The following PRKN variants were observed in gnomAD, a reference collection of about 807,000 sequenced individuals.
PRKN encodes the protein parkin RBR E3 ubiquitin protein ligase, also known as E3 ubiquitin-protein ligase parkin.
Under a neutral mutation model 59.5 loss-of-function variants are expected in PRKN, and 56 were observed. That is an observed-to-expected ratio of 0.94 (90% confidence interval 0.76 to 1.18). The LOEUF is 1.18. PRKN is among the 50% of genes most tolerant of loss of function. The pLI, the probability that PRKN is intolerant of heterozygous loss-of-function variation, is 0.00. For synonymous variants in PRKN, 250 were observed against 222.1 expected, an observed-to-expected ratio of 1.13 and a Z score of -1.12; for missense variants, 657 against 596.4, an observed-to-expected ratio of 1.10 and a Z score of -1.06.
rs1168295995 is a variant in PRKN, at chr6:161,487,268, C to T, written c.1083+61586G>A. Among the ~76,000 whole-genome samples the T allele has an allele frequency of 6.6e-6, 1 of 152,172 alleles. No individual in the cohort carries two copies. The highest frequency in any genetic ancestry group is 1.5e-5 in the Non-Finnish European group (1 of 68,036). On this transcript the variant is annotated intron_variant, in intron 9 of 11. Transcript: ENST00000366898. The surrounding 1 kb of genome is among the most constrained non-coding windows in gnomAD (Gnocchi z 5.3). ...CATAGACCCATGAAGTGGGCTTGCT[C>T]AGTAACAACTGCTCAGTGAAGGGGC...
At chr6:162,536,211 A>G (rs1778709904) in intron 1 of PRKN, among the ~76,000 whole-genome samples, 2 of 152,136 alleles carry the variant, frequency 1.3e-5, no homozygotes. Flanking sequence ...ACTACTGTAA[A>G]ACATGTGTGC....
chr6:162,704,803 C>A (rs1387373367), intron 1 of PRKN, among the ~76,000 whole-genome samples: 2 of 152,064 alleles, frequency 1.3e-5, no homozygotes, highest in African/African-American at 4.8e-5. Context: ...AGCAGGTGTG[C>A]CCGAGGATGG....
intron 6 of PRKN, among the ~76,000 whole-genome samples, chr6:161,812,717 TAA>T (rs574418244): frequency 1.4e-3 from 211 of 152,216 alleles, no homozygotes; most frequent in Non-Finnish European, 2.2e-3. Context: ...TATCCAAAAT[TAA>T]AAAGACTGAC....
At chr6:161,875,924 G>A (rs1794716700) in intron 6 of PRKN, among the ~76,000 whole-genome samples, 1 of 152,102 alleles carries the variant, frequency 6.6e-6, no homozygotes, top group Non-Finnish European at 1.5e-5. Flanking sequence ...TGTAACCCAT[G>A]ACTTTGACCT....
intron 6 of PRKN, among the ~76,000 whole-genome samples, chr6:161,926,214 G>T (rs1168120794): frequency 1.3e-5 from 2 of 152,190 alleles, no homozygotes; most frequent in Non-Finnish European, 1.5e-5. Context: ...GTCGGTGAGG[G>T]AGACATGCTA....
chr6:162,686,924 C>T (rs1022078151), intron 1 of PRKN, among the ~76,000 whole-genome samples: 22 of 152,076 alleles, frequency 1.4e-4, no homozygotes, highest in Non-Finnish European at 2.9e-5. Flanking sequence ...TGTAGTCTTA[C>T]AGTATAGTTC....
intron 6 of PRKN, among the ~76,000 whole-genome samples, chr6:161,787,500 T>A (rs1000132517): frequency 6.6e-6 from 1 of 152,234 alleles, no homozygotes; most frequent in Admixed American, 6.5e-5. Context: ...TTCTACCTTT[T>A]TCTCTCACAG....
intron 1 of PRKN, among the ~76,000 whole-genome samples, chr6:162,711,501 A>G (rs931147034): frequency 6.6e-6 from 1 of 151,530 alleles, no homozygotes; most frequent in African/African-American, 2.4e-5. Flanking sequence ...CACCAACAGC[A>G]TCTCCCAAAC....
chr6:161,629,684 C>T (rs976410566), intron 7 of PRKN, among the ~76,000 whole-genome samples: 4 of 152,134 alleles, frequency 2.6e-5, no homozygotes, highest in Admixed American at 2.6e-4. Flanking sequence ...CAACCATCCT[C>T]CGCACTCTCG....
chr6:161,791,979 G>A (rs755392368), intron 6 of PRKN, among the ~76,000 whole-genome samples: 6 of 152,192 alleles, frequency 3.9e-5, no homozygotes, highest in Non-Finnish European at 8.8e-5. Context: ...TGAGGAAAGC[G>A]AGCAGCCATG....
intron 7 of PRKN, among the ~76,000 whole-genome samples, chr6:161,771,257 G>A (rs751477185): frequency 4.6e-5 from 7 of 151,720 alleles, no homozygotes; most frequent in Non-Finnish European, 1.0e-4. Context: ...TCAGGAGGCT[G>A]AGGCAGGAGA....
intron 5 of PRKN, among the ~76,000 whole-genome samples, chr6:162,023,587 G>C (rs1040019894): frequency 2.6e-5 from 4 of 152,106 alleles, no homozygotes; most frequent in Non-Finnish European, 4.4e-5. Context: ...CACGACTAGC[G>C]GCTTGCATCT....
intron 6 of PRKN, among the ~76,000 whole-genome samples, chr6:161,853,398 A>G (rs1793515502): frequency 6.6e-6 from 1 of 152,216 alleles, no homozygotes; most frequent in Admixed American, 6.5e-5. Context: ...ACATTGGAAG[A>G]TAAGTTTTGA....
chr6:162,511,254 A>T (rs1184439952), intron 1 of PRKN, among the ~76,000 whole-genome samples: 2 of 151,640 alleles, frequency 1.3e-5, no homozygotes, highest in Non-Finnish European at 2.9e-5. Context: ...ATTACTTACT[A>T]ATTGTGTTTG....
chr6:161,987,235 C>T (rs185947119), intron 5 of PRKN, among the ~76,000 whole-genome samples: 19 of 152,038 alleles, frequency 1.2e-4, no homozygotes, highest in African/African-American at 3.4e-4. Context: ...AACCATATAC[C>T]GGAAAACTAA....
intron 7 of PRKN, among the ~76,000 whole-genome samples, chr6:161,748,922 T>C (rs16893009): frequency 0.039 from 5,921 of 152,286 alleles, 255 homozygotes; most frequent in African/African-American, 0.1. Flanking sequence ...TTGCCTGTCA[T>C]GTGTATTCCA....
At chr6:161,571,991 T>C (rs1300793251) in intron 7 of PRKN, among the ~76,000 whole-genome samples, 4 of 152,220 alleles carry the variant, frequency 2.6e-5, no homozygotes, top group African/African-American at 9.6e-5. Context: ...TTGTCAGGCC[T>C]TCAGACACAG....
intron 6 of PRKN, among the ~76,000 whole-genome samples, chr6:161,940,462 A>G (rs1307809320): frequency 6.6e-6 from 1 of 152,178 alleles, no homozygotes; most frequent in Admixed American, 6.5e-5. Flanking sequence ...CTTCTCTTGA[A>G]GTTGAAAATT....
At position 161,566,613 on chromosome 6, in the gene PRKN, G is replaced by A. The variant is rs1201121466; in HGVS notation, c.933+2742C>T. 6.6e-6 allele frequency among the ~76,000 whole-genome samples: 1 copy of A among 152,126 alleles called. No homozygotes were observed. The highest frequency in any genetic ancestry group is 1.5e-5 in the Non-Finnish European group (1 of 68,018). On this transcript the variant is annotated intron_variant, in intron 8 of 11. Coordinates refer to ENST00000366898, the MANE Select transcript of PRKN (RefSeq NM_004562.3). The surrounding 1 kb of genome is among the most constrained non-coding windows in gnomAD (Gnocchi z 4.1). ...GTAGAGACAGGGTTTCGCCATGTTG[G>A]TCAGGCTGGTCTCAGACTCCTGACC...
Sources: allele counts gnomAD v4.1 joint callset (sites outside exome capture counted in the v4.1 genomes callset), GRCh38; gene constraint gnomAD v4.1.1; non-coding constraint Gnocchi (gnomAD v3.1); transcripts MANE v1.5; gene names NCBI Gene and HGNC (gene_info 2026-07-23, HGNC 2026-07-21).